Variants in CREB5 observed in about 807,000 individuals in gnomAD.
The protein encoded by CREB5 is cAMP responsive element binding protein 5, also known as cyclic AMP-responsive element-binding protein 5.
In CREB5, 19 loss-of-function variants were observed where a neutral mutation model predicts 57.1. The observed-to-expected ratio is 0.33, with a 90% confidence interval of 0.23 to 0.49. The LOEUF is 0.49. Among genes scored for constraint, CREB5 ranks in the 20% least tolerant of loss-of-function variants. The pLI is 0.99. For missense variants in CREB5, 579 were observed against 671.6 expected, an observed-to-expected ratio of 0.86 and a Z score of 1.52; for synonymous variants, 238 against 238.3, an observed-to-expected ratio of 1.00 and a Z score of 0.01.
intron 1 of CREB5, among the ~76,000 whole-genome samples, chr7:28,398,592 T>G (rs1787384499): frequency 6.6e-6 from 1 of 152,242 alleles, no homozygotes; most frequent in South Asian, 2.1e-4. Context: ...TTATAGCAAA[T>G]CGCATGCTGG....
chr7:28,504,995 T>C (rs1358366515), intron 3 of CREB5, among the ~76,000 whole-genome samples: 26 of 152,236 alleles, frequency 1.7e-4, no homozygotes, highest in Admixed American at 1.7e-3. Flanking sequence ...AGACTACTTG[T>C]GGATCGATCC....
chr7:28,686,760 G>T (rs765081752), intron 5 of CREB5, among the ~76,000 whole-genome samples: 2 of 152,184 alleles, frequency 1.3e-5, no homozygotes, highest in African/African-American at 2.4e-5. Context: ...CAATTGCAGT[G>T]ACTGTAACCG....
At chr7:28,664,408 T>C (rs1457950247) in intron 5 of CREB5, among the ~76,000 whole-genome samples, 2 of 152,222 alleles carry the variant, frequency 1.3e-5, no homozygotes, top group Admixed American at 6.5e-5. Flanking sequence ...TAAGAAAAGA[T>C]GAAAAATACA....
At chr7:28,431,266 G>A (rs905320481) in intron 1 of CREB5, among the ~76,000 whole-genome samples, 2 of 152,146 alleles carry the variant, frequency 1.3e-5, no homozygotes, top group South Asian at 2.1e-4. Context: ...ACCAGAGGAC[G>A]GGTCACTGGA....
intron 5 of CREB5, among the ~76,000 whole-genome samples, chr7:28,687,750 C>G (rs1371053424): frequency 6.6e-6 from 1 of 152,042 alleles, no homozygotes; most frequent in Non-Finnish European, 1.5e-5. Context: ...TGGATCTTCT[C>G]TCTTTCCTCC....
At chr7:28,559,778 A>C (rs1307746599) in intron 4 of CREB5, among the ~76,000 whole-genome samples, 1 of 152,260 alleles carries the variant, frequency 6.6e-6, no homozygotes, top group African/African-American at 2.4e-5. Flanking sequence ...GTTCTGTGCC[A>C]GGCACTGAGC....
chr7:28,335,369 T>C (rs576928079), intron 1 of CREB5, among the ~76,000 whole-genome samples: 3 of 152,266 alleles, frequency 2.0e-5, no homozygotes, highest in East Asian at 3.9e-4. Flanking sequence ...TTTTTATTTC[T>C]TTTATCAATC....
intron 1 of CREB5, among the ~76,000 whole-genome samples, chr7:28,311,100 C>A (rs1303027659): frequency 7.4e-6 from 1 of 134,866 alleles, no homozygotes; most frequent in Non-Finnish European, 1.5e-5. Flanking sequence ...CAAGACTATC[C>A]TGGCTAGCAC....
At chr7:28,697,977 T>G (rs976083060) in intron 5 of CREB5, among the ~76,000 whole-genome samples, 1 of 152,160 alleles carries the variant, frequency 6.6e-6, no homozygotes, top group Non-Finnish European at 1.5e-5. Flanking sequence ...CTTTTCAGAC[T>G]TATAAAAAGA....
chr7:28,309,238 C>G (rs575773025), intron 1 of CREB5, among the ~76,000 whole-genome samples: 1 of 152,178 alleles, frequency 6.6e-6, no homozygotes, highest in Non-Finnish European at 1.5e-5. Context: ...TCTCAATGCA[C>G]ACAAGCTATT....
Position 28,702,127 on chromosome 7 carries a change from A to G in CREB5, c.465-16626A>G, listed in dbSNP as rs546847322. The stretch of plus-strand genomic sequence containing the variant: ...AGGTCTTTTTTCAGTTTTCTTCCTT[A>G]TAAGGAATAGCAGTCCGTGGCACTT... On this transcript the variant is annotated intron_variant, in intron 5 of 10. Transcript: ENST00000357727. Among the ~76,000 whole-genome samples, 211 of 152,340 alleles carry G rather than the reference A, an allele frequency of 1.4e-3. 1 individual carries two copies. Among genetic ancestry groups the G allele is most frequent in the African/African-American group, 4.8e-3 (201 of 41,578 alleles).
intron 4 of CREB5, among the ~76,000 whole-genome samples, chr7:28,563,673 G>A (rs140792792): frequency 8.7e-4 from 132 of 152,280 alleles, no homozygotes; most frequent in Non-Finnish European, 1.7e-3. Flanking sequence ...CCACAGGTGT[G>A]TGCCACCATG....
intron 1 of CREB5, among the ~76,000 whole-genome samples, chr7:28,389,437 A>G (rs1230432641): frequency 6.6e-6 from 1 of 152,038 alleles, no homozygotes; most frequent in Non-Finnish European, 1.5e-5. Context: ...CTGTGGTTTT[A>G]TTTTGCTTTG....
At chr7:28,814,106 T>G (rs1465837294) in intron 9 of CREB5, among the ~76,000 whole-genome samples, 1 of 152,312 alleles carries the variant, frequency 6.6e-6, no homozygotes, top group East Asian at 1.9e-4. Context: ...CCAGGCCACA[T>G]TTGATTTCTT....
At chr7:28,633,308 A>G (rs1349630408) in intron 5 of CREB5, among the ~76,000 whole-genome samples, 1 of 152,168 alleles carries the variant, frequency 6.6e-6, no homozygotes, top group Non-Finnish European at 1.5e-5. Context: ...GCTCTTTTAC[A>G]ACAAAATTAT....
chr7:28,718,144 G>A (rs1008681768), intron 5 of CREB5, among the ~76,000 whole-genome samples: 1 of 152,228 alleles, frequency 6.6e-6, no homozygotes, highest in Non-Finnish European at 1.5e-5. Flanking sequence ...GGTAATTGGA[G>A]GCTAGGCTCC....
At chr7:28,479,369 G>C (rs187087670) in intron 1 of CREB5, among the ~76,000 whole-genome samples, 1 of 152,122 alleles carries the variant, frequency 6.6e-6, no homozygotes, top group Non-Finnish European at 1.5e-5. Flanking sequence ...TTGGTTTCAC[G>C]TATTTCCAAA....
In CREB5 at chr7:28,453,958, C is replaced by CTTTTTTTT. The variant is rs70977045; in HGVS notation, c.4-34211_4-34204dup. On this transcript the variant is annotated intron_variant, in intron 1 of 10. Coordinates refer to ENST00000357727, the MANE Select transcript of CREB5 (RefSeq NM_182898.4). ...AACTGAAAGAGACTCCTCTCCAATT[C>CTTTTTTTT]TTTTTTTTTTTTTGAGATGGAGTCT... Among the ~76,000 whole-genome samples, 16 of 132,574 alleles carry CTTTTTTTT rather than the reference C, an allele frequency of 1.2e-4. 3 individuals carry two copies. Among genetic ancestry groups the CTTTTTTTT allele is most frequent in the Admixed American group, 1.6e-4 (2 of 12,654 alleles). The allele number at this position is 132,574 out of a possible 152,430, so 87.0% of individuals were successfully genotyped here.
intron 1 of CREB5, among the ~76,000 whole-genome samples, chr7:28,449,350 C>T (rs766253109): frequency 6.6e-6 from 1 of 152,166 alleles, no homozygotes; most frequent in Non-Finnish European, 1.5e-5. Context: ...TTGTCCTGTG[C>T]CTCCTCTACC....
Sources: allele counts gnomAD v4.1 joint callset (sites outside exome capture counted in the v4.1 genomes callset), GRCh38; gene constraint gnomAD v4.1.1; transcripts MANE v1.5; gene names NCBI Gene and HGNC (gene_info 2026-07-23, HGNC 2026-07-21).